ASCC3: variants seen among roughly 807,000 people sequenced by gnomAD.
ASCC3 encodes the protein ASC-1 complex subunit P200.
ASCC3 carries 158 observed loss-of-function variants against 256.3 expected under a neutral mutation model. The observed-to-expected ratio is 0.62, with a 90% CI of 0.54 to 0.70. The LOEUF (loss-of-function observed/expected upper bound fraction) is 0.70, where lower values mean the gene tolerates loss of function less well. Ranked by LOEUF, ASCC3 falls within the 30% of genes least tolerant of loss-of-function variation. ASCC3 has a pLI of 0.00. For synonymous variants in ASCC3, 948 were observed against 883.4 expected, an observed-to-expected ratio of 1.07 and a Z score of -1.30; for missense variants, 2,259 against 2,626.0, an observed-to-expected ratio of 0.86 and a Z score of 3.05.
intron 32 of ASCC3, 87 bp from the exon 33 acceptor site, chr6:100,605,787 A>G: frequency 1.4e-6 from 2 of 1,396,182 alleles, no homozygotes; most frequent in Non-Finnish European, 2.0e-6. Context: ...TCTATAATCA[A>G]CCAAATAACA....
intron 34 of ASCC3, among the ~76,000 whole-genome samples, chr6:100,595,861 A>G (rs968611647): frequency 6.6e-6 from 1 of 152,218 alleles, no homozygotes; most frequent in African/African-American, 2.4e-5. Flanking sequence ...ATTTTTGTTT[A>G]CAACTTTATT....
intron 13 of ASCC3, among the ~76,000 whole-genome samples, chr6:100,685,456 TCAGCAGCAG>T (rs929647322): frequency 9.2e-5 from 14 of 152,096 alleles, no homozygotes; most frequent in Non-Finnish European, 1.3e-4. Context: ...ATCAGCAGCA[TCAGCAGCAG>T]CAGCAGTGTC....
At chr6:100,736,392 C>T (rs1357194054) in intron 10 of ASCC3, among the ~76,000 whole-genome samples, 7 of 152,042 alleles carry the variant, frequency 4.6e-5, no homozygotes, top group African/African-American at 1.2e-4. Flanking sequence ...ATCCCAGCTA[C>T]TCAGAAGCTG....
At chr6:100,709,192 T>C (rs942824583) in intron 13 of ASCC3, among the ~76,000 whole-genome samples, 2 of 152,178 alleles carry the variant, frequency 1.3e-5, no homozygotes, top group South Asian at 4.1e-4. Context: ...GACCACACAA[T>C]GTGGCCATTT....
chr6:100,709,296 A>C (rs1204528400), intron 13 of ASCC3, among the ~76,000 whole-genome samples: 1 of 152,224 alleles, frequency 6.6e-6, no homozygotes, highest in Non-Finnish European at 1.5e-5. Context: ...CATAATCTTT[A>C]ATAACAGAAA....
chr6:100,581,085 G>A (rs1208348791), intron 36 of ASCC3, among the ~76,000 whole-genome samples: 1 of 151,976 alleles, frequency 6.6e-6, no homozygotes, highest in Non-Finnish European at 1.5e-5. Context: ...ATAGTCCTTT[G>A]GGTATATACC....
intron 1 of ASCC3, among the ~76,000 whole-genome samples, chr6:100,870,258 G>C (rs1428001587): frequency 6.6e-6 from 1 of 151,512 alleles, no homozygotes; most frequent in Non-Finnish European, 1.5e-5. Context: ...TCATGCGTCA[G>C]GAGGCTGATG....
intron 4 of ASCC3, among the ~76,000 whole-genome samples, chr6:100,842,902 G>T (rs1004126168): frequency 2.6e-5 from 4 of 152,038 alleles, no homozygotes; most frequent in Non-Finnish European, 5.9e-5. Flanking sequence ...TTGAGCCCAG[G>T]AGTTACAGGT....
At chr6:100,858,546 C>T (rs1318275526) in intron 3 of ASCC3, 1 of 973,108 alleles carries the variant, frequency 1.0e-6, no homozygotes, top group East Asian at 1.1e-4. Context: ...TCATAAAATG[C>T]TTTTTCTCTA....
intron 14 of ASCC3, among the ~76,000 whole-genome samples, chr6:100,674,831 C>T (rs1356244049): frequency 1.4e-4 from 21 of 151,876 alleles, no homozygotes; most frequent in Admixed American, 1.4e-3. Flanking sequence ...CGGGGTTTCA[C>T]CATGTTGCCA....
At chr6:100,613,797 A>C (rs775880706) in intron 30 of ASCC3, among the ~76,000 whole-genome samples, 1 of 152,168 alleles carries the variant, frequency 6.6e-6, no homozygotes, top group African/African-American at 2.4e-5. Context: ...TCTCACCAAC[A>C]GCGTGTAAGA....
intron 10 of ASCC3, among the ~76,000 whole-genome samples, chr6:100,758,764 G>A (rs1179629326): frequency 6.6e-6 from 1 of 152,116 alleles, no homozygotes; most frequent in East Asian, 1.9e-4. Flanking sequence ...ACCCAGTATT[G>A]AGATTGTTGA....
chr6:100,642,551 A>T, intron 24 of ASCC3, 30 bp downstream of exon 24: 1 of 1,611,054 alleles, frequency 6.2e-7, no homozygotes, highest in Non-Finnish European at 8.5e-7. Context: ...TGGAAAAATC[A>T]ATGATTCAAA....
intron 36 of ASCC3, among the ~76,000 whole-genome samples, chr6:100,583,265 C>A (rs1771420870): frequency 6.6e-6 from 1 of 152,160 alleles, no homozygotes; most frequent in African/African-American, 2.4e-5. Flanking sequence ...AATTTCAAAT[C>A]CTGTTATTGC....
intron 25 of ASCC3, among the ~76,000 whole-genome samples, chr6:100,631,881 C>T (rs540619416): frequency 6.6e-6 from 1 of 151,610 alleles, no homozygotes; most frequent in Non-Finnish European, 1.5e-5. Context: ...ATTAGAGAGA[C>T]TGAAAAGTAG....
chr6:100,592,452 T>A (rs1199900686), intron 34 of ASCC3, among the ~76,000 whole-genome samples: 3 of 151,962 alleles, frequency 2.0e-5, no homozygotes, highest in African/African-American at 7.3e-5. Flanking sequence ...TTTAAAATAT[T>A]TTCAAATCCT....
chr6:100,752,602 G>C (rs780233649), intron 10 of ASCC3, among the ~76,000 whole-genome samples: 2 of 152,082 alleles, frequency 1.3e-5, no homozygotes, highest in Non-Finnish European at 2.9e-5. Context: ...TGCTAGGAAA[G>C]TTATTTTGGT....
chr6:100,830,980 A>T (rs1771592263), intron 4 of ASCC3, among the ~76,000 whole-genome samples: 1 of 152,216 alleles, frequency 6.6e-6, no homozygotes, highest in African/African-American at 2.4e-5. Flanking sequence ...TAAAACCAAC[A>T]TAACATCATG....
intron 5 of ASCC3, among the ~76,000 whole-genome samples, chr6:100,800,825 T>C (rs768128225): frequency 6.6e-6 from 1 of 151,670 alleles, no homozygotes; most frequent in Non-Finnish European, 1.5e-5. Flanking sequence ...AATTTGTTTA[T>C]ATAATTTTAA....
Sources: allele counts gnomAD v4.1 joint callset (sites outside exome capture counted in the v4.1 genomes callset), GRCh38; gene constraint gnomAD v4.1.1; transcripts MANE v1.5; gene names NCBI Gene and HGNC (gene_info 2026-07-23, HGNC 2026-07-21).